Variants in DTNB observed in about 807,000 individuals in gnomAD.
DTNB encodes DTN-B.
Under a neutral mutation model 90.7 loss-of-function variants are expected in DTNB, and 63 were observed. That is an observed-to-expected ratio of 0.69 (90% CI 0.57 to 0.86). DTNB has a LOEUF of 0.86. Ranked by LOEUF, DTNB falls within the 40% of genes least tolerant of loss-of-function variation. The probability of loss-of-function intolerance (pLI) is 0.00; values close to 1 mark genes in which losing one functional copy is unlikely to be tolerated. For missense variants in DTNB, 744 were observed against 807.1 expected, an observed-to-expected ratio of 0.92 and a Z score of 0.95; for synonymous variants, 277 against 286.7, an observed-to-expected ratio of 0.97 and a Z score of 0.34.
chr2:25,405,774 C>A (rs1438601940), intron 16 of DTNB, among the ~76,000 whole-genome samples: 1 of 152,060 alleles, frequency 6.6e-6, no homozygotes, highest in African/African-American at 2.4e-5. Context: ...CTGCTACAGG[C>A]AAAGGCAAGA....
rs1361010841 is a variant in DTNB at position 25,616,950 on chromosome 2, AAAGG to A, written c.363-9633_363-9630del. Among the ~76,000 whole-genome samples, 34 of 131,730 alleles carry A rather than the reference AAAGG, an allele frequency of 2.6e-4. 2 individuals carry two copies. Among genetic ancestry groups the A allele is most frequent in the Non-Finnish European group, 3.1e-4 (19 of 61,786 alleles). 86.4% of individuals were successfully genotyped at this position (131,730 alleles called of 152,430 possible). ...CCGTCTCAAAAAAAAAAAAAAAAAA[AAAGG>A]AAAAAAAAGACTCATTAACCCCTCA... On this transcript the variant is annotated intron_variant, in intron 4 of 20. Transcript: ENST00000406818.
At chr2:25,437,547 C>T (rs554095428) in intron 12 of DTNB, among the ~76,000 whole-genome samples, 10 of 152,212 alleles carry the variant, frequency 6.6e-5, no homozygotes, top group African/African-American at 1.2e-4. Context: ...CAGGCATGAG[C>T]CACCGCACTC....
chr2:25,641,713 G>C (rs1179341910), intron 2 of DTNB, among the ~76,000 whole-genome samples: 1 of 152,188 alleles, frequency 6.6e-6, no homozygotes, highest in Non-Finnish European at 1.5e-5. Context: ...ACATGTTGAA[G>C]AAAAATGCAA....
chr2:25,627,955 C>G (rs891458134), intron 4 of DTNB, among the ~76,000 whole-genome samples: 1 of 152,124 alleles, frequency 6.6e-6, no homozygotes, highest in Non-Finnish European at 1.5e-5. Flanking sequence ...CCGGGATGGT[C>G]TCCATCTCCT....
intron 10 of DTNB, among the ~76,000 whole-genome samples, chr2:25,459,613 C>A (rs1331859879): frequency 6.6e-6 from 1 of 152,118 alleles, no homozygotes; most frequent in Non-Finnish European, 1.5e-5. Context: ...CCTGCCTCAG[C>A]CTCCTGAGTA....
chr2:25,517,762 G>A (rs1023524281), intron 9 of DTNB, among the ~76,000 whole-genome samples: 7 of 152,204 alleles, frequency 4.6e-5, no homozygotes, highest in Non-Finnish European at 1.0e-4. Context: ...GCCCAGAGGT[G>A]AAAGCCACCC....
chr2:25,589,367 C>CTTTTCTT (rs2063082966), intron 6 of DTNB, among the ~76,000 whole-genome samples: 3 of 57,548 alleles, frequency 5.2e-5, no homozygotes, highest in Non-Finnish European at 8.9e-5. Context: ...TTTTTCTTTT[C>CTTTTCTT]TTTTTTTTTT....
chr2:25,600,936 GA>G (rs2065747265), intron 5 of DTNB, among the ~76,000 whole-genome samples: 1 of 152,122 alleles, frequency 6.6e-6, no homozygotes, highest in African/African-American at 2.4e-5. Flanking sequence ...AAGAGAAGTG[GA>G]AACATGTCTA....
chr2:25,526,397 T>TATATATATATA (rs2077192595), intron 9 of DTNB, among the ~76,000 whole-genome samples: 4 of 68,762 alleles, frequency 5.8e-5, no homozygotes, highest in African/African-American at 2.3e-4. Context: ...ATATATATAT[T>TATATATATATA]TTTTTTTTTT....
chr2:25,498,632 G>A (rs959935126), intron 9 of DTNB, among the ~76,000 whole-genome samples: 1 of 151,722 alleles, frequency 6.6e-6, no homozygotes, highest in Non-Finnish European at 1.5e-5. Context: ...GACTGCTTGA[G>A]CCCAAGAGTT....
chr2:25,575,038 A>G lies in DTNB; in HGVS notation c.876+1800T>C, dbSNP rs190368463. ...ATCAGTCACTTGTCTCTAAACAAAT[A>G]CAAAACCCCCATTTTTAAAAGAGTT... On this transcript the variant is annotated intron_variant, in intron 8 of 20. Transcript: ENST00000406818. Among the ~76,000 whole-genome samples the G allele has an allele frequency of 1.6e-3, 245 of 152,328 alleles. 2 individuals carry two copies. Among genetic ancestry groups the G allele is most frequent in the African/African-American group, 5.5e-3 (229 of 41,590 alleles).
intron 4 of DTNB, among the ~76,000 whole-genome samples, chr2:25,626,758 A>G (rs1180896885): frequency 2.0e-5 from 3 of 152,232 alleles, no homozygotes; most frequent in African/African-American, 2.4e-5. Context: ...CCTCCCTATT[A>G]TAAGATATAA....
chr2:25,548,677 T>C (rs1370152772), intron 8 of DTNB, among the ~76,000 whole-genome samples: 1 of 151,050 alleles, frequency 6.6e-6, no homozygotes, highest in African/African-American at 2.4e-5. Flanking sequence ...GGTAAGGGGG[T>C]CAGGTGGGCT....
At chr2:25,544,635 T>G (rs1355274924) in intron 8 of DTNB, among the ~76,000 whole-genome samples, 1 of 152,148 alleles carries the variant, frequency 6.6e-6, no homozygotes, top group African/African-American at 2.4e-5. Flanking sequence ...TCAACAACTT[T>G]CTCTATTTTA....
At chr2:25,593,237 A>T (rs986607283) in intron 6 of DTNB, among the ~76,000 whole-genome samples, 5 of 152,232 alleles carry the variant, frequency 3.3e-5, no homozygotes, top group African/African-American at 1.2e-4. Flanking sequence ...TCAGCCCAGA[A>T]CATCAAAATG....
intron 8 of DTNB, among the ~76,000 whole-genome samples, chr2:25,562,424 C>T (rs992949951): frequency 3.3e-5 from 5 of 152,206 alleles, no homozygotes; most frequent in Non-Finnish European, 5.9e-5. Context: ...CATGTATTTT[C>T]AGTTCTCAAG....
At chr2:25,526,552 C>T (rs181613993) in intron 9 of DTNB, among the ~76,000 whole-genome samples, 15 of 151,636 alleles carry the variant, frequency 9.9e-5, no homozygotes, top group Admixed American at 3.9e-4. Context: ...CTGGCCGCCA[C>T]GCCTGGCTAA....
At chr2:25,496,039 T>C (rs2068754698) in intron 9 of DTNB, among the ~76,000 whole-genome samples, 1 of 152,186 alleles carries the variant, frequency 6.6e-6, no homozygotes, top group South Asian at 2.1e-4. Flanking sequence ...ATTCTTACAC[T>C]TTCACCACTA....
At chr2:25,637,949 G>C (rs2077445648) in intron 3 of DTNB, among the ~76,000 whole-genome samples, 1 of 152,174 alleles carries the variant, frequency 6.6e-6, no homozygotes, top group Non-Finnish European at 1.5e-5. Context: ...GCAAAGACTT[G>C]GAACCAACTC....
Sources: allele counts gnomAD v4.1 joint callset (sites outside exome capture counted in the v4.1 genomes callset), GRCh38; gene constraint gnomAD v4.1.1; transcripts MANE v1.5; gene names NCBI Gene and HGNC (gene_info 2026-07-23, HGNC 2026-07-21).